The following DMD variants were observed in gnomAD, a reference collection of about 807,000 sequenced individuals.
DMD encodes dystrophin, also known as mutant dystrophin.
A neutral mutation model predicts 330.1 loss-of-function variants in DMD; 63 were observed. That is an observed-to-expected ratio of 0.19 (90% CI 0.16 to 0.24). DMD has a LOEUF of 0.24. DMD is among the 10% of genes least tolerant of loss of function. The pLI, the probability that DMD is intolerant of heterozygous loss-of-function variation, is 1.00. For missense variants in DMD, 3,344 were observed against 2,684.1 expected, an observed-to-expected ratio of 1.25 and a Z score of -5.43; for synonymous variants, 1,223 against 959.8, an observed-to-expected ratio of 1.27 and a Z score of -5.07.
intron 55 of DMD, among the ~76,000 whole-genome samples, chrX:31,588,877 T>TG (rs2076734476): frequency 9.4e-6 from 1 of 106,480 alleles, no homozygotes; most frequent in Non-Finnish European, 1.9e-5. Context: ...TCTATGTTTT[T>TG]TTTTTTTTTT....
chrX:32,292,373 T>C (rs2097476104), intron 42 of DMD, among the ~76,000 whole-genome samples: 1 of 93,662 alleles, frequency 1.1e-5, no homozygotes, highest in Non-Finnish European at 2.0e-5. Flanking sequence ...TGATCTAGGC[T>C]CACTGCAAGC....
At chrX:31,199,910 T>A (rs1220781939) in intron 67 of DMD, among the ~76,000 whole-genome samples, 1 of 111,942 alleles carries the variant, frequency 8.9e-6, no homozygotes, top group Non-Finnish European at 1.9e-5. Flanking sequence ...GAGGACATTT[T>A]CACTCCTGTT....
chrX:32,513,870 G>A (rs1210535337), intron 18 of DMD, among the ~76,000 whole-genome samples: 1 of 111,135 alleles, frequency 9.0e-6, no homozygotes, highest in Non-Finnish European at 1.9e-5. Context: ...AACTGAATTG[G>A]AACAAATGGC....
chrX:31,755,997 T>C (rs1405058797), intron 51 of DMD, among the ~76,000 whole-genome samples: 1 of 111,780 alleles, frequency 8.9e-6, no homozygotes, highest in East Asian at 2.8e-4. Flanking sequence ...CAAGAAATGT[T>C]CTGCATGTTT....
At chrX:33,326,080 G>T (rs1463332388) in intron 1 of DMD, among the ~76,000 whole-genome samples, 2 of 110,971 alleles carry the variant, frequency 1.8e-5, no homozygotes, top group African/African-American at 6.6e-5. Flanking sequence ...GAATGAGGAG[G>T]AATCTTGACA....
chrX:31,875,399 G>C (rs1431957281), intron 47 of DMD, 26 bp from the exon 48 acceptor site: 3 of 1,109,294 alleles, frequency 2.7e-6, no homozygotes, highest in Middle Eastern at 5.0e-4. Flanking sequence ...ATTTTAAAAA[G>C]GTAAATAATT....
At chrX:33,135,171 A>T (rs982242252) in intron 1 of DMD, among the ~76,000 whole-genome samples, 2 of 111,746 alleles carry the variant, frequency 1.8e-5, no homozygotes, top group Non-Finnish European at 3.8e-5. Context: ...GAAACGCACT[A>T]TTCTACAGGT....
At chrX:31,308,115 A>G (rs1051642211) in intron 62 of DMD, among the ~76,000 whole-genome samples, 1 of 111,692 alleles carries the variant, frequency 9.0e-6, no homozygotes, top group Admixed American at 9.5e-5. Flanking sequence ...AGTAATGTTC[A>G]CTTGCTCACC....
chrX:33,158,759 C>G (rs775742127), intron 1 of DMD, among the ~76,000 whole-genome samples: 9 of 111,412 alleles, frequency 8.1e-5, no homozygotes, highest in Non-Finnish European at 5.6e-5. Context: ...ATTGCCCTAG[C>G]CCTAGTCTAG....
At chrX:31,708,737 TA>T (rs2084384832) in intron 52 of DMD, among the ~76,000 whole-genome samples, 1 of 112,170 alleles carries the variant, frequency 8.9e-6, no homozygotes, top group Admixed American at 9.5e-5. Context: ...CATTTTAGAT[TA>T]TTAATCACTT....
At chrX:32,436,104 G>A (rs1291837202) in intron 29 of DMD, among the ~76,000 whole-genome samples, 1 of 112,019 alleles carries the variant, frequency 8.9e-6, no homozygotes, top group Non-Finnish European at 1.9e-5. Flanking sequence ...GGTCAATGAA[G>A]GAAACTTCTC....
At chrX:32,206,051 T>C (rs1242618717) in intron 44 of DMD, 2 of 512,918 alleles carry the variant, frequency 3.9e-6, no homozygotes, top group Non-Finnish European at 7.1e-6. Context: ...GGGCAAAGGA[T>C]AAATTGCACA....
At chrX:31,852,498 C>A (rs1353597924) in intron 48 of DMD, among the ~76,000 whole-genome samples, 1 of 111,392 alleles carries the variant, frequency 9.0e-6, no homozygotes, top group East Asian at 2.8e-4. Flanking sequence ...GCTCTTGAGT[C>A]TGGTTATCTA....
At chrX:31,258,902 T>C (rs1210647258) in intron 63 of DMD, among the ~76,000 whole-genome samples, 2 of 109,210 alleles carry the variant, frequency 1.8e-5, no homozygotes, top group African/African-American at 6.7e-5. Context: ...GAGAATACTA[T>C]ACAACAAAAT....
chrX:32,228,990 A>G (rs1342474946), intron 43 of DMD, among the ~76,000 whole-genome samples: 1 of 111,806 alleles, frequency 8.9e-6, no homozygotes, highest in Non-Finnish European at 1.9e-5. Flanking sequence ...TGCAAATGAG[A>G]AAACTGAGAC....
chrX:31,131,682 G>A (rs1457204175), intron 77 of DMD, among the ~76,000 whole-genome samples: 3 of 111,411 alleles, frequency 2.7e-5, no homozygotes, highest in Non-Finnish European at 5.7e-5. Context: ...CTGGTAAGAT[G>A]TTCCCGCCAA....
chrX:31,541,116 T>G (rs749273847), intron 55 of DMD, among the ~76,000 whole-genome samples: 1 of 111,823 alleles, frequency 8.9e-6, no homozygotes, highest in East Asian at 2.8e-4. Context: ...CAGGAGCCAC[T>G]GGCTGTAGGT....
At chrX:32,218,601 C>T (rs1326891576) in intron 43 of DMD, among the ~76,000 whole-genome samples, 1 of 112,082 alleles carries the variant, frequency 8.9e-6, no homozygotes, top group Admixed American at 9.5e-5. Context: ...TACTGATGTC[C>T]TGGGCAGAGA....
chrX:31,329,837 G>T (rs1367791741), intron 61 of DMD, among the ~76,000 whole-genome samples: 1 of 108,074 alleles, frequency 9.3e-6, no homozygotes, highest in Non-Finnish European at 1.9e-5. Context: ...TGGGCGAGGT[G>T]GCGCGCACCT....
Sources: gnomAD v4.1 joint callset for allele counts (sites outside exome capture counted in the v4.1 genomes callset) on GRCh38, gnomAD v4.1.1 for gene constraint, MANE v1.5 for transcripts, NCBI Gene and HGNC (gene_info 2026-07-23, HGNC 2026-07-21) for gene names.